GIGYF2: variants seen among roughly 807,000 people sequenced by gnomAD.
GIGYF2 encodes GRB10-interacting GYF protein 2.
A neutral mutation model predicts 208.1 loss-of-function variants in GIGYF2; 25 were observed. The observed-to-expected ratio is 0.12, with a 90% CI of 0.09 to 0.17. The LOEUF is 0.17. Ranked by LOEUF, GIGYF2 falls within the 10% of genes least tolerant of loss-of-function variation. The pLI, the probability that GIGYF2 is intolerant of heterozygous loss-of-function variation, is 1.00. For synonymous variants in GIGYF2, 534 were observed against 543.8 expected, an observed-to-expected ratio of 0.98 and a Z score of 0.25; for missense variants, 1,302 against 1,579.4, an observed-to-expected ratio of 0.82 and a Z score of 2.98.
chr2:232,716,292 G>A (rs1696673636), intron 2 of GIGYF2, among the ~76,000 whole-genome samples: 1 of 150,870 alleles, frequency 6.6e-6, no homozygotes, highest in Non-Finnish European at 1.5e-5. Flanking sequence ...AATGAGTCTT[G>A]CTTCATTTGA....
Position 232,845,609 on chromosome 2 carries a change from C to G in GIGYF2, c.3306-123C>G, listed in dbSNP as rs953295618. ...TTTGAATTTTTTTCTTTTTTGGAGC[C>G]AAGCATTGGATTATTTACTGGGCAT... On this transcript the variant is annotated intron_variant, in intron 25 of 28. Coordinates refer to ENST00000373563, the MANE Select transcript of GIGYF2 (RefSeq NM_001103146.3). The G allele has an allele frequency of 6.9e-6, 6 of 865,096 alleles. No homozygotes were observed. In the East Asian group the frequency reaches 1.5e-4, roughly 21 times the overall value. 53.6% of individuals were successfully genotyped at this position (865,096 alleles called of 1,614,324 possible). A position where few individuals can be genotyped will look rare whatever the true frequency, so the allele number is the denominator to read the frequency against.
intron 28 of GIGYF2, among the ~76,000 whole-genome samples, 200 bp from the exon 29 acceptor site, chr2:232,856,593 A>G (rs892807252): frequency 2.0e-5 from 3 of 152,110 alleles, no homozygotes; most frequent in South Asian, 4.1e-4. Context: ...TTGGGAGTCT[A>G]CGGCATGAGA....
At position 232,845,464 on chromosome 2, in the gene GIGYF2, A is replaced by T. The variant is rs954074721; in HGVS notation, c.3306-268A>T. 2.6e-5 allele frequency among the ~76,000 whole-genome samples: 4 copies of T among 152,198 alleles called. 1 individual carries two copies. The highest frequency in any genetic ancestry group is 4.1e-4 in the South Asian group (2 of 4,828). ...GGAGACTGAGGCTTAGTAAAATTAA[A>T]CAACTTACCTAAGGACACGTAGGAA... On this transcript the variant is annotated intron_variant, in intron 25 of 28. Transcript: ENST00000373563.
intron 1 of GIGYF2, chr2:232,700,646 C>G (rs966741786): frequency 1.3e-5 from 2 of 152,156 alleles, no homozygotes; most frequent in African/African-American, 4.8e-5. Context: ...TAACCCAGGT[C>G]TCTTAGAGGC....
At chr2:232,704,953 G>T (rs576521993) in intron 2 of GIGYF2, among the ~76,000 whole-genome samples, 1 of 139,116 alleles carries the variant, frequency 7.2e-6, no homozygotes, top group Admixed American at 7.9e-5. Flanking sequence ...TCCGCCTCCC[G>T]GGTTCACGCA....
At chr2:232,714,938 C>T (rs1696611772) in intron 2 of GIGYF2, among the ~76,000 whole-genome samples, 1 of 152,138 alleles carries the variant, frequency 6.6e-6, no homozygotes, top group African/African-American at 2.4e-5. Flanking sequence ...CCACTCTCCA[C>T]CCTCCACCCT....
rs544851314 is a variant in GIGYF2, at chr2:232,791,127, G to A, written c.1050G>A (p.Lys350=). 1.5e-5 allele frequency: 24 copies of A among 1,614,040 alleles called. No homozygotes were observed. In the Admixed American group the frequency reaches 2.0e-4, roughly 13 times the overall value. ...ATGAAGAGGCCAAAGAACCCGATAA[G>A]ACAAATAAGAAAGAAGGAGAGAAAA... ...SHNEEAKEPD[K]TNKKEGEKTD... Residue 350 remains lysine, a synonymous_variant, in exon 11 of 29, where the codon AAG becomes AAA. Coordinates refer to ENST00000373563, the MANE Select transcript of GIGYF2 (RefSeq NM_001103146.3).
intron 8 of GIGYF2, among the ~76,000 whole-genome samples, chr2:232,779,898 A>C (rs1430269404): frequency 6.6e-6 from 1 of 152,184 alleles, no homozygotes; most frequent in Non-Finnish European, 1.5e-5. Flanking sequence ...GTAAATATCA[A>C]CACTTGAGTG....
intron 2 of GIGYF2, among the ~76,000 whole-genome samples, chr2:232,721,049 T>C (rs1696921698): frequency 6.6e-6 from 1 of 152,176 alleles, no homozygotes; most frequent in Non-Finnish European, 1.5e-5. Flanking sequence ...GCTTTCAGCA[T>C]GAGAAAGATA....
At chr2:232,799,097 C>T (rs923371444) in intron 14 of GIGYF2, among the ~76,000 whole-genome samples, 6 of 151,952 alleles carry the variant, frequency 3.9e-5, no homozygotes, top group African/African-American at 1.4e-4. Flanking sequence ...AGCATAATGT[C>T]CTCAAGGTTT....
chr2:232,710,386 G>T (rs1696334864), intron 2 of GIGYF2, among the ~76,000 whole-genome samples: 1 of 152,158 alleles, frequency 6.6e-6, no homozygotes, highest in African/African-American at 2.4e-5. Context: ...TACCATACCA[G>T]CCATCTTTGT....
intron 6 of GIGYF2, among the ~76,000 whole-genome samples, chr2:232,758,110 A>C (rs1477336269): frequency 6.6e-6 from 1 of 152,182 alleles, no homozygotes; most frequent in Non-Finnish European, 1.5e-5. Flanking sequence ...TTCTGAAAGA[A>C]GGTTGTAATT....
chr2:232,826,385 T>C (rs1701247194), intron 21 of GIGYF2, among the ~76,000 whole-genome samples: 1 of 152,240 alleles, frequency 6.6e-6, no homozygotes, highest in Non-Finnish European at 1.5e-5. Context: ...GACTTTTTAA[T>C]GATTGCCATT....
In GIGYF2 at chr2:232,741,444, T is replaced by C. The variant is rs558833266; in HGVS notation, c.42-6171T>C. Reference sequence around the variant, plus strand: ...ATGTTTCCTGGCTTCCTTTTTTTTTTTTCTTTTTTTTTGTTTGAAATGGAA... The same window carrying C: ...ATGTTTCCTGGCTTCCTTTTTTTTTCTTCTTTTTTTTTGTTTGAAATGGAA... On this transcript the variant is annotated intron_variant, in intron 3 of 28. Coordinates refer to ENST00000373563, the MANE Select transcript of GIGYF2 (RefSeq NM_001103146.3). 5.9e-5 allele frequency among the ~76,000 whole-genome samples: 9 copies of C among 152,162 alleles called. No homozygotes were observed. The South Asian group carries it at 1.9e-3, about 32-fold the overall frequency.
intron 12 of GIGYF2, 126 bp downstream of exon 12, chr2:232,791,572 AT>A: frequency 1.2e-6 from 1 of 818,248 alleles, no homozygotes. Flanking sequence ...GGAATAGATT[AT>A]TTTACCAGTA....
Position 232,768,622 on chromosome 2 carries a change from A to G in GIGYF2, c.532+7186A>G, listed in dbSNP as rs139594245. The G allele has an allele frequency of 1.3e-5, 21 of 1,614,146 alleles. No homozygotes were observed. The African/African-American group carries it at 2.1e-4, about 16-fold the overall frequency. On this transcript the variant is annotated intron_variant, in intron 8 of 28. Transcript: ENST00000373563. ...AGGTGGAAATCCACACTGGTCTGGT[A>G]GAGTTTGCCATTTTCTCTTTCCTGA...
At chr2:232,809,018 C>T (rs2106382544) in intron 15 of GIGYF2, among the ~76,000 whole-genome samples, 1 of 152,288 alleles carries the variant, frequency 6.6e-6, no homozygotes, top group East Asian at 1.9e-4. Context: ...AGTCTAGGCT[C>T]ACTGCAACCT....
chr2:232,755,796 A>C (rs962552214), intron 5 of GIGYF2, among the ~76,000 whole-genome samples: 5 of 152,228 alleles, frequency 3.3e-5, no homozygotes, highest in Admixed American at 3.3e-4. Context: ...CTCTCGCATC[A>C]GACCTTTTGG....
intron 5 of GIGYF2, 23 bp from the exon 6 acceptor site, chr2:232,756,200 T>C (rs766461528): frequency 1.3e-4 from 103 of 770,368 alleles, no homozygotes; most frequent in Middle Eastern, 7.1e-4. Context: ...TTTTTCTCTT[T>C]TTTTTTTTTT....
Sources: allele counts gnomAD v4.1 joint callset (sites outside exome capture counted in the v4.1 genomes callset), GRCh38; gene constraint gnomAD v4.1.1; transcripts MANE v1.5; gene names NCBI Gene and HGNC (gene_info 2026-07-23, HGNC 2026-07-21).